SDK2: variants seen among roughly 807,000 people sequenced by gnomAD.
SDK2 encodes the protein sidekick cell adhesion molecule 2.
SDK2 carries 105 observed loss-of-function variants against 253.9 expected under a neutral mutation model. That is an observed-to-expected ratio of 0.41 (90% confidence interval 0.35 to 0.49). The LOEUF (loss-of-function observed/expected upper bound fraction) is 0.49, where lower values mean the gene tolerates loss of function less well. SDK2 is among the 20% of genes least tolerant of loss of function. SDK2 has a pLI of 0.06. For synonymous variants in SDK2, 1,249 were observed against 1,234.9 expected (o/e 1.01, Z -0.24); for missense variants, 2,608 against 3,003.0 (o/e 0.87, Z 3.07).
chr17:73,432,398 C>T (rs974539201), intron 10 of SDK2, among the ~76,000 whole-genome samples: 1 of 152,062 alleles, frequency 6.6e-6, no homozygotes, highest in Non-Finnish European at 1.5e-5. Context: ...ATCTGGGGGT[C>T]GCATGTCCGT....
At chr17:73,364,390 A>T (rs1297275703) in intron 38 of SDK2, among the ~76,000 whole-genome samples, 1 of 152,104 alleles carries the variant, frequency 6.6e-6, no homozygotes, top group Non-Finnish European at 1.5e-5. Context: ...TTTGCAGAGC[A>T]GGGCTCTTGA....
chr17:73,483,416 C>T (rs375731258), intron 2 of SDK2, among the ~76,000 whole-genome samples: 1 of 145,752 alleles, frequency 6.9e-6, no homozygotes, highest in Non-Finnish European at 1.5e-5. Flanking sequence ...AAGCAATTCT[C>T]CTGCCTCAGC....
rs1367996217 is a variant in SDK2 at position 73,455,935 on chromosome 17, G to A, written c.450C>T (p.Asp150=). 9.1e-6 allele frequency: 14 copies of A among 1,544,670 alleles called. No homozygotes were observed. Among genetic ancestry groups the A allele is most frequent in the African/African-American group, 1.4e-5 (1 of 72,980 alleles). ...FPQPQVTWFR[D]GRKIPPSSRI... ...GGCTGCTGGGCGGGATCTTGCGGCC[G>A]TCCCGGAACCAGGTCACCTGTGGCT... The change falls in exon 4 of 45, where the codon GAC becomes GAT. Residue 150 remains aspartate (D), a synonymous_variant. Transcript: ENST00000392650. This position sits in a 1 kb window ranked among gnomAD's most constrained non-coding sequence, Gnocchi z 5.0.
At chr17:73,402,788 A>G (rs1034026068) in intron 18 of SDK2, among the ~76,000 whole-genome samples, 5 of 151,076 alleles carry the variant, frequency 3.3e-5, no homozygotes, top group African/African-American at 4.9e-5. Context: ...ATTTTATTTT[A>G]TTATTTATTT....
chr17:73,527,628 A>G (rs2064136332), intron 1 of SDK2, among the ~76,000 whole-genome samples: 1 of 152,176 alleles, frequency 6.6e-6, no homozygotes, highest in Non-Finnish European at 1.5e-5. Flanking sequence ...TGCCGATAAG[A>G]AGGCCCTGAA....
At chr17:73,549,593 C>T (rs1599669719) in intron 1 of SDK2, among the ~76,000 whole-genome samples, 1 of 151,932 alleles carries the variant, frequency 6.6e-6, no homozygotes, top group East Asian at 2.0e-4. Context: ...GGGAAGGCTT[C>T]CCGGAAGAGG....
At chr17:73,351,358 C>T (rs183328223) in intron 41 of SDK2, among the ~76,000 whole-genome samples, 8 of 152,302 alleles carry the variant, frequency 5.3e-5, no homozygotes, top group Admixed American at 4.6e-4. Flanking sequence ...GATCCACCTG[C>T]CTCGGCCTCC....
At chr17:73,495,216 T>C (rs1200457049) in intron 2 of SDK2, among the ~76,000 whole-genome samples, 2 of 152,144 alleles carry the variant, frequency 1.3e-5, no homozygotes. Flanking sequence ...AGGGCACCTA[T>C]GCACAGAAGG....
intron 2 of SDK2, among the ~76,000 whole-genome samples, chr17:73,484,836 T>C (rs1010973857): frequency 2.0e-5 from 3 of 152,224 alleles, no homozygotes; most frequent in African/African-American, 7.2e-5. Flanking sequence ...TCTTTCTTAA[T>C]AGAGATGGGA....
rs947608119 is a variant in SDK2, at chr17:73,379,720, C to T, written c.4763-171G>A. On this transcript the variant is annotated intron_variant, in intron 34 of 44. Transcript: ENST00000392650. The surrounding 1 kb of genome is among the most constrained non-coding windows in gnomAD (Gnocchi z 4.5). Reference sequence around the variant, plus strand: ...GGTGAGAGGCGGGGCCCCCAGGGGACGCTCTGTGCCAATCTGGACATAGGG... The same window carrying T: ...GGTGAGAGGCGGGGCCCCCAGGGGATGCTCTGTGCCAATCTGGACATAGGG... Among the ~76,000 whole-genome samples the T allele has an allele frequency of 2.6e-5, 4 of 152,054 alleles. No homozygotes were observed. Among genetic ancestry groups the T allele is most frequent in the African/African-American group, 7.2e-5 (3 of 41,402 alleles).
chr17:73,542,440 G>C (rs1391386629), intron 1 of SDK2, among the ~76,000 whole-genome samples: 1 of 152,194 alleles, frequency 6.6e-6, no homozygotes, highest in Admixed American at 6.5e-5. Flanking sequence ...TGGTGAAACA[G>C]CTCAGCAGGA....
At chr17:73,406,478 G>C (rs531252378) in intron 18 of SDK2, among the ~76,000 whole-genome samples, 1 of 151,496 alleles carries the variant, frequency 6.6e-6, no homozygotes, top group Non-Finnish European at 1.5e-5. Context: ...TTGAACTCCT[G>C]ATCTCAAATG....
chr17:73,430,442 G>T, intron 12 of SDK2, 69 bp downstream of exon 12: 5 of 1,200,118 alleles, frequency 4.2e-6, no homozygotes, highest in Non-Finnish European at 6.0e-6. Flanking sequence ...GTGGACACTC[G>T]CCCAGCTACA....
At position 73,398,015 on chromosome 17, in the gene SDK2, T is replaced by C; in HGVS notation, c.3354+20A>G. On this transcript the variant is annotated intron_variant, in intron 24 of 44. Coordinates refer to ENST00000392650, the MANE Select transcript of SDK2 (RefSeq NM_001144952.2). The stretch of plus-strand genomic sequence containing the variant: ...GAAGCTCATGGAGAGGTCCCACCCC[T>C]GCCCTCGAGGGAGCCTTACCATCCA... The C allele has an allele frequency of 6.2e-7, 1 of 1,606,962 alleles. No homozygotes were observed. The highest frequency in any genetic ancestry group is 8.5e-7 in the Non-Finnish European group (1 of 1,179,706).
chr17:73,526,770 C>A (rs534270870), intron 1 of SDK2, among the ~76,000 whole-genome samples: 1 of 152,306 alleles, frequency 6.6e-6, no homozygotes, highest in African/African-American at 2.4e-5. Flanking sequence ...ACTTATGTCT[C>A]CATCTCCAGC....
chr17:73,531,079 T>C (rs1415477447), intron 1 of SDK2, among the ~76,000 whole-genome samples: 1 of 152,194 alleles, frequency 6.6e-6, no homozygotes, highest in Middle Eastern at 3.2e-3. Flanking sequence ...TGTTGATGTT[T>C]CCAGCTTTCT....
At position 73,430,191 on chromosome 17, in the gene SDK2, T is replaced by C. The variant is rs563791669; in HGVS notation, c.1583+320A>G. Among the ~76,000 whole-genome samples, 25 of 152,286 alleles carry C rather than the reference T, an allele frequency of 1.6e-4. 1 individual carries two copies. The South Asian group carries it at 3.7e-3, about 23-fold the overall frequency. The stretch of plus-strand genomic sequence containing the variant: ...AGAGACAGCAGCTCCTTCCCTTCCA[T>C]GCTCACTAACCCACAAGCCTCTTCC... On this transcript the variant is annotated intron_variant, in intron 12 of 44. Coordinates refer to ENST00000392650, the MANE Select transcript of SDK2 (RefSeq NM_001144952.2).
chr17:73,522,712 C>T (rs763728299), intron 1 of SDK2, among the ~76,000 whole-genome samples: 35 of 152,328 alleles, frequency 2.3e-4, no homozygotes, highest in Middle Eastern at 6.8e-3. Flanking sequence ...ACCCCACCCA[C>T]CCCCGCTCCT....
In SDK2 at chr17:73,401,153, C is replaced by T. The variant is rs760907273; in HGVS notation, c.2838G>A (p.Leu946=). The T allele has an allele frequency of 4.5e-6, 7 of 1,560,062 alleles. No homozygotes were observed. Among genetic ancestry groups the T allele is most frequent in the Non-Finnish European group, 6.1e-6 (7 of 1,151,880 alleles). The change falls in exon 21 of 45, where the codon CTG becomes CTA. Residue 946 remains leucine (L), a synonymous_variant. Transcript: ENST00000392650. ...CACGGTACTCCAGGGTCACGTTGGGCAGGTAGTGGGTCACACGGGTGTTGG... is the reference window on the plus strand; with the variant it reads ...CACGGTACTCCAGGGTCACGTTGGGTAGGTAGTGGGTCACACGGGTGTTGG... ...NRTNTRVTHY[L]PNVTLEYRVT... is the part of the protein sequence containing the mutation.
Sources: allele counts gnomAD v4.1 joint callset (sites outside exome capture counted in the v4.1 genomes callset), GRCh38; gene constraint gnomAD v4.1.1; non-coding constraint Gnocchi (gnomAD v3.1); transcripts MANE v1.5; gene names NCBI Gene and HGNC (gene_info 2026-07-23, HGNC 2026-07-21).